Variants in SPRED2 observed in about 807,000 individuals in gnomAD.
SPRED2 encodes sprouty-related, EVH1 domain-containing protein 2.
A neutral mutation model predicts 43.0 loss-of-function variants in SPRED2; 47 were observed. That is an observed-to-expected ratio of 1.09 (90% CI 0.87 to 1.40). SPRED2 has a LOEUF of 1.40. SPRED2 is among the 40% of genes most tolerant of loss of function. The pLI is 0.00. For synonymous variants in SPRED2, 225 were observed against 225.7 expected, an observed-to-expected ratio of 1.00 and a Z score of 0.03; for missense variants, 561 against 586.4, an observed-to-expected ratio of 0.96 and a Z score of 0.45.
At chr2:65,384,404 C>A (rs1353925750) in intron 1 of SPRED2, among the ~76,000 whole-genome samples, 2 of 152,172 alleles carry the variant, frequency 1.3e-5, no homozygotes, top group Non-Finnish European at 2.9e-5. Context: ...AGTCCCATCT[C>A]CATAGGCAGG....
Position 65,337,137 on chromosome 2 carries a change from G to T in SPRED2, c.205-2364C>A, listed in dbSNP as rs554879691. ...AAAAAATAAAGTTTGAGTAAAATAA[G>T]TTCAGCCACCTAAATTAAGTGAGGG... is the stretch of plus-strand genomic sequence containing the variant. On this transcript the variant is annotated intron_variant, in intron 2 of 5. Transcript: ENST00000356388. 7.2e-5 allele frequency among the ~76,000 whole-genome samples: 11 copies of T among 152,144 alleles called. No homozygotes were observed. The South Asian group carries it at 2.3e-3, about 32-fold the overall frequency.
intron 4 of SPRED2, among the ~76,000 whole-genome samples, chr2:65,322,231 TCTC>T (rs1673437075): frequency 1.6e-4 from 2 of 12,344 alleles, no homozygotes; most frequent in South Asian, 0.011. Flanking sequence ...TCTCCTTTCC[TCTC>T]TCTCTCTCTC....
intron 4 of SPRED2, among the ~76,000 whole-genome samples, chr2:65,327,774 A>C (rs1317669565): frequency 2.6e-5 from 3 of 115,526 alleles, no homozygotes; most frequent in African/African-American, 1.0e-4. Flanking sequence ...CCCAGGCTGG[A>C]GTGCAATGGT....
At chr2:65,322,244 C>G (rs1421769481) in intron 4 of SPRED2, among the ~76,000 whole-genome samples, 6 of 67,460 alleles carry the variant, frequency 8.9e-5, no homozygotes, top group African/African-American at 3.8e-4. Context: ...CTCTCTCTCT[C>G]TCTCTCTCTC....
chr2:65,348,257 T>C (rs1674408843), intron 1 of SPRED2, among the ~76,000 whole-genome samples: 1 of 152,218 alleles, frequency 6.6e-6, no homozygotes, highest in African/African-American at 2.4e-5. Context: ...CTGCCCACTC[T>C]ATATAAAGCA....
intron 1 of SPRED2, among the ~76,000 whole-genome samples, chr2:65,359,478 A>T (rs137996306): frequency 2.8e-5 from 4 of 144,000 alleles, no homozygotes; most frequent in African/African-American, 9.7e-5. Context: ...TAGCTTGTGG[A>T]GGCACTAGAA....
chr2:65,323,411 G>T (rs927727768), intron 4 of SPRED2, among the ~76,000 whole-genome samples: 4 of 152,124 alleles, frequency 2.6e-5, no homozygotes, highest in African/African-American at 9.7e-5. Flanking sequence ...GCTGAGACAA[G>T]CCTTTGATGA....
At chr2:65,431,936 T>G (rs1392083392) in intron 1 of SPRED2, 26 bp downstream of exon 1, 4 of 1,607,934 alleles carry the variant, frequency 2.5e-6, no homozygotes, top group Non-Finnish European at 3.4e-6. Flanking sequence ...AGGGGCACCC[T>G]CGTCCCACCC....
chr2:65,312,908 A>C lies in SPRED2; in HGVS notation c.*593T>G. On this transcript the variant is annotated 3_prime_UTR_variant, in exon 6 of 6. Transcript: ENST00000356388. Reference sequence around the variant, plus strand: ...TACATGGGAAATTTGGCTTTAGAAAAGTTAAAGCGATATTGTTTTGTGGTA... The same window carrying C: ...TACATGGGAAATTTGGCTTTAGAAACGTTAAAGCGATATTGTTTTGTGGTA... The C allele has an allele frequency of 2.0e-6, 2 of 985,870 alleles. No individual in the cohort carries two copies. Among genetic ancestry groups the C allele is most frequent in the Non-Finnish European group, 2.4e-6 (2 of 829,930 alleles). 61.1% of individuals were successfully genotyped at this position (985,870 alleles called of 1,614,324 possible). A position where few individuals can be genotyped will look rare whatever the true frequency, so the allele number is the denominator to read the frequency against.
At chr2:65,309,088 G>A (rs1672998440), downstream of SPRED2, among the ~76,000 whole-genome samples, 2 of 150,830 alleles carry the variant, frequency 1.3e-5, no homozygotes, top group Non-Finnish European at 2.9e-5. Context: ...CCCGGGAGGC[G>A]AAGGGTGCAG....
chr2:65,404,860 A>C (rs72824318), intron 1 of SPRED2, among the ~76,000 whole-genome samples: 5 of 152,080 alleles, frequency 3.3e-5, no homozygotes, highest in African/African-American at 1.2e-4. Context: ...CTGCCAAACA[A>C]ACACCTCCCC....
At chr2:65,325,118 A>T (rs767262804) in intron 4 of SPRED2, among the ~76,000 whole-genome samples, 1 of 152,220 alleles carries the variant, frequency 6.6e-6, no homozygotes, top group Non-Finnish European at 1.5e-5. Context: ...GAGGGCTGGC[A>T]ATGTGTAATT....
chr2:65,396,106 T>A (rs1411920051), intron 1 of SPRED2, among the ~76,000 whole-genome samples: 1 of 152,110 alleles, frequency 6.6e-6, no homozygotes, highest in Non-Finnish European at 1.5e-5. Context: ...AGGAAAAAAG[T>A]TTTCTTATGA....
rs1673138652 is a variant in SPRED2, at chr2:65,313,674, T to C, written c.1084A>G (p.Thr362Ala). The part of the protein sequence containing the change: ...HCMSDPEGDY[T>A]DPCSCDTSDE... Reference sequence around the variant, plus strand: ...CTAGTATCGCACGAGCAAGGGTCTGTATAGTCTCCCTCGGGGTCCGACATA... The same window carrying C: ...CTAGTATCGCACGAGCAAGGGTCTGCATAGTCTCCCTCGGGGTCCGACATA... Residue 362 changes from threonine to alanine, a missense_variant, in exon 6 of 6, where the codon ACA (threonine) becomes GCA (alanine). Thr to Ala is a moderately conservative substitution (Grantham distance 58). Around this residue, in one of 6 missense-constraint regions of SPRED2, gnomAD observed 65 missense variants for 60.2 expected, o/e 1.08. Coordinates refer to ENST00000356388, the MANE Select transcript of SPRED2 (RefSeq NM_181784.3). The C allele has an allele frequency of 6.2e-7, 1 of 1,614,064 alleles. No homozygotes were observed. Among genetic ancestry groups the C allele is most frequent in the Non-Finnish European group, 8.5e-7 (1 of 1,180,034 alleles).
intron 2 of SPRED2, among the ~76,000 whole-genome samples, chr2:65,337,372 C>T (rs891660834): frequency 1.3e-5 from 2 of 151,158 alleles, no homozygotes; most frequent in Admixed American, 1.3e-4. Context: ...AAGATGCATA[C>T]GGAGAAAAAA....
rs570637951 is a variant in SPRED2 at position 65,339,285 on chromosome 2, G to C, written c.205-4512C>G. Among the ~76,000 whole-genome samples the C allele has an allele frequency of 3.6e-4, 55 of 152,118 alleles. No homozygotes were observed. In the East Asian group the frequency reaches 4.8e-3, roughly 13 times the overall value. On this transcript the variant is annotated intron_variant, in intron 2 of 5. Coordinates refer to ENST00000356388, the MANE Select transcript of SPRED2 (RefSeq NM_181784.3). ...GATGGCGGTTTTCTGGAATGGAAGG[G>C]GGGGCAGGGTGGGGAAAGGATTGAG...
rs564352599 is a variant in SPRED2, at chr2:65,339,020, G to A, written c.205-4247C>T. On this transcript the variant is annotated intron_variant, in intron 2 of 5. Transcript: ENST00000356388. ...TGGGAAGTGAGGAGCCCCTCTGGCC[G>A]GCCAGCCGCCCCGTCCGGGAGGGAG... Among the ~76,000 whole-genome samples, 1,179 of 143,066 alleles carry A rather than the reference G, an allele frequency of 8.2e-3. 8 individuals carry two copies. Among genetic ancestry groups the A allele is most frequent in the South Asian group, 0.018 (78 of 4,326 alleles). The allele number at this position is 143,066 out of a possible 152,430, so 93.9% of individuals were successfully genotyped here. A position where few individuals can be genotyped will look rare whatever the true frequency, so the allele number is the denominator to read the frequency against.
intron 5 of SPRED2, 71 bp from the exon 6 acceptor site, chr2:65,314,240 C>T: frequency 4.2e-6 from 6 of 1,421,472 alleles, no homozygotes; most frequent in Non-Finnish European, 5.6e-6. Flanking sequence ...AAACACCCCA[C>T]CTTCTCCCTC....
intron 1 of SPRED2, among the ~76,000 whole-genome samples, chr2:65,415,091 C>A (rs1028043223): frequency 6.6e-6 from 1 of 152,140 alleles, no homozygotes; most frequent in African/African-American, 2.4e-5. Context: ...CTAGCCTAAA[C>A]AAAATGTTTT....
Sources: allele counts gnomAD v4.1 joint callset (sites outside exome capture counted in the v4.1 genomes callset), GRCh38; gene constraint gnomAD v4.1.1; regional missense constraint gnomAD v4.1.1; transcripts MANE v1.5; gene names NCBI Gene and HGNC (gene_info 2026-07-23, HGNC 2026-07-21).